Variants in TBC1D20 observed in about 807,000 individuals in gnomAD.
The protein encoded by TBC1D20 is chromosome 20 open reading frame 140.
Under a neutral mutation model 41.6 loss-of-function variants are expected in TBC1D20, and 12 were observed. That is an observed-to-expected ratio of 0.29 (90% confidence interval 0.18 to 0.47). The LOEUF (loss-of-function observed/expected upper bound fraction) is 0.47, where lower values mean the gene tolerates loss of function less well. Among genes scored for constraint, TBC1D20 ranks in the 20% least tolerant of loss-of-function variants. The pLI, the probability that TBC1D20 is intolerant of heterozygous loss-of-function variation, is 1.00. For synonymous variants in TBC1D20, 205 were observed against 204.8 expected, an observed-to-expected ratio of 1.00 and a Z score of -0.01; for missense variants, 421 against 517.4, an observed-to-expected ratio of 0.81 and a Z score of 1.81.
chr20:457,493 A>T (rs1169975110), intron 1 of TBC1D20, among the ~76,000 whole-genome samples: 1 of 152,210 alleles, frequency 6.6e-6, no homozygotes, highest in Non-Finnish European at 1.5e-5. Flanking sequence ...AAGTGCTAGG[A>T]TCGCAGATGT....
At position 440,281 on chromosome 20, in the gene TBC1D20, G is replaced by A; in HGVS notation, c.735C>T (p.Cys245=). ...CAAAGTAAATCGGCATCAGTGGGTG[G>A]CAGGCCAGGAAGAAGTCATATAACC... The part of the protein sequence containing the change: ...VVRLYDFFLA[C]HPLMPIYFAA... Residue 245 remains cysteine, a synonymous_variant, in exon 6 of 8, where the codon TGC becomes TGT. Transcript: ENST00000354200. The A allele has an allele frequency of 6.2e-7, 1 of 1,613,866 alleles. No individual in the cohort carries two copies. The highest frequency in any genetic ancestry group is 8.5e-7 in the Non-Finnish European group (1 of 1,179,894).
At chr20:457,457 A>G (rs994636317) in intron 1 of TBC1D20, among the ~76,000 whole-genome samples, 4 of 151,906 alleles carry the variant, frequency 2.6e-5, no homozygotes, top group Non-Finnish European at 5.9e-5. Flanking sequence ...CCTGGGCTCA[A>G]GCAATCCTCT....
At chr20:460,855 G>C (rs1339735067) in intron 1 of TBC1D20, among the ~76,000 whole-genome samples, 1 of 152,152 alleles carries the variant, frequency 6.6e-6, no homozygotes, top group African/African-American at 2.4e-5. Context: ...AAACTAGAGG[G>C]GGTAAAGTCT....
intron 1 of TBC1D20, among the ~76,000 whole-genome samples, chr20:459,148 C>T (rs1381848772): frequency 1.3e-5 from 2 of 152,110 alleles, no homozygotes; most frequent in African/African-American, 4.8e-5. Flanking sequence ...AGCAGCGTCT[C>T]CACTGAAAGA....
At chr20:458,060 A>C (rs557840254) in intron 1 of TBC1D20, among the ~76,000 whole-genome samples, 1 of 152,290 alleles carries the variant, frequency 6.6e-6, no homozygotes, top group African/African-American at 2.4e-5. Flanking sequence ...AAGTCTTGTT[A>C]ACCTATTTGC....
intron 1 of TBC1D20, among the ~76,000 whole-genome samples, chr20:450,431 C>T (rs1421546212): frequency 6.6e-6 from 1 of 152,020 alleles, no homozygotes; most frequent in African/African-American, 2.4e-5. Flanking sequence ...CAAGCGTGAG[C>T]CACCACGCCT....
At chr20:444,981 A>G in intron 3 of TBC1D20, 69 bp downstream of exon 3, 5 of 1,402,742 alleles carry the variant, frequency 3.6e-6, no homozygotes, top group Non-Finnish European at 5.0e-6. Context: ...CCAGCATATT[A>G]GGTCACATGG....
chr20:440,518 T>A, intron 5 of TBC1D20, 129 bp from the exon 6 acceptor site: 1 of 1,129,154 alleles, frequency 8.9e-7, no homozygotes, highest in Non-Finnish European at 1.2e-6. Flanking sequence ...ACCTAGGAAT[T>A]CAGCATCTTC....
At chr20:444,361 G>A (rs1442364337) in intron 3 of TBC1D20, among the ~76,000 whole-genome samples, 1 of 152,188 alleles carries the variant, frequency 6.6e-6, no homozygotes, top group Non-Finnish European at 1.5e-5. Context: ...GAGGCAGCCA[G>A]CTTAGAGGCT....
At chr20:452,730 G>A (rs964791855) in intron 1 of TBC1D20, among the ~76,000 whole-genome samples, 1 of 152,208 alleles carries the variant, frequency 6.6e-6, no homozygotes, top group African/African-American at 2.4e-5. Context: ...TCACCAGAAG[G>A]TAGGGCAGAT....
At chr20:446,767 A>G (rs1355787225) in intron 2 of TBC1D20, among the ~76,000 whole-genome samples, 2 of 151,362 alleles carry the variant, frequency 1.3e-5, no homozygotes, top group African/African-American at 4.9e-5. Flanking sequence ...CAAGCAGCTA[A>G]GACTACAGCC....
At chr20:440,054 C>G (rs1309984771) in intron 6 of TBC1D20, among the ~76,000 whole-genome samples, 194 bp downstream of exon 6, 2 of 152,172 alleles carry the variant, frequency 1.3e-5, no homozygotes, top group Non-Finnish European at 2.9e-5. Context: ...TGTTTATACC[C>G]AGCATTTCCC....
Position 439,086 on chromosome 20 carries a change from C to G in TBC1D20, c.956+22G>C. The G allele has an allele frequency of 6.3e-7, 1 of 1,594,380 alleles. No individual in the cohort carries two copies. The highest frequency in any genetic ancestry group is 8.5e-7 in the Non-Finnish European group (1 of 1,169,960). On this transcript the variant is annotated intron_variant, in intron 7 of 7. Transcript: ENST00000354200. This position sits in a 1 kb window ranked among gnomAD's most constrained non-coding sequence, Gnocchi z 4.6. ...CTCATTTACAGCCACCCCCATTCAACCAGTGTCCCAGCCTTGCTCACCTCT... is the reference window on the plus strand; with the variant it reads ...CTCATTTACAGCCACCCCCATTCAAGCAGTGTCCCAGCCTTGCTCACCTCT...
At chr20:446,529 T>C (rs6515823) in intron 2 of TBC1D20, among the ~76,000 whole-genome samples, 72,560 of 151,830 alleles carry the variant, frequency 0.48, 17,672 homozygotes, top group African/African-American at 0.56. Context: ...TTAGTAGAGA[T>C]GGGGTTTCAC....
At position 460,612 on chromosome 20, in the gene TBC1D20, AG is replaced by A. The variant is rs777415591; in HGVS notation, c.70+1723del. 3.3e-5 allele frequency among the ~76,000 whole-genome samples: 5 copies of A among 152,302 alleles called. No individual in the cohort carries two copies. In the East Asian group the frequency reaches 7.7e-4, roughly 23 times the overall value. Reference sequence around the variant, plus strand: ...TACAAAACAGTATCCAAATTAGCAAAGATTCTGTTAACTACCTGGAAAAAGC... The same window carrying A: ...TACAAAACAGTATCCAAATTAGCAAAATTCTGTTAACTACCTGGAAAAAGC... On this transcript the variant is annotated intron_variant, in intron 1 of 7. Transcript: ENST00000354200.
rs1313108849 is a variant in TBC1D20 at position 437,921 on chromosome 20, A to G, written c.*665T>C. The G allele has an allele frequency of 1.3e-5, 2 of 153,512 alleles. No homozygotes were observed. The highest frequency in any genetic ancestry group is 2.9e-5 in the Non-Finnish European group (2 of 68,056). The allele number at this position is 153,512 out of a possible 1,614,324, so 9.5% of individuals were successfully genotyped here. On this transcript the variant is annotated 3_prime_UTR_variant, in exon 8 of 8. Transcript: ENST00000354200. ...AAGCAGGGAGGAAAAAAAGGCAGGC[A>G]AAACTAGTCTAGGTCTAGGCCCTAA...
chr20:461,635 T>A (rs1248091367), intron 1 of TBC1D20, among the ~76,000 whole-genome samples: 32 of 152,220 alleles, frequency 2.1e-4, no homozygotes, highest in Admixed American at 1.8e-3. Flanking sequence ...GCGCTGGGAT[T>A]ACAGGCGCGA....
In TBC1D20 at chr20:438,823, GA is replaced by G. The variant is rs746174450; in HGVS notation, c.974del (p.Phe325SerfsTer35). On this transcript the variant is annotated frameshift_variant, in exon 8 of 8. Transcript: ENST00000354200. LOFTEE classifies it high-confidence loss of function. ...GGGCTGATGCCAGCTCAAAGTCTTT[GA>G]AAGTAGAGGCTGCCGTCCTGCAGGG... is the stretch of plus-strand genomic sequence containing the variant. ...QQAERTAASTFKDFELASAQQ... is the reference protein window; with the variant it reads ...QQAERTAASTXKDFELASAQQ... The G allele has an allele frequency of 4.3e-6, 7 of 1,613,524 alleles. No homozygotes were observed. The highest frequency in any genetic ancestry group is 5.9e-6 in the Non-Finnish European group (7 of 1,179,578).
chr20:446,607 CTA>C (rs934687596), intron 2 of TBC1D20, among the ~76,000 whole-genome samples: 1 of 152,034 alleles, frequency 6.6e-6, no homozygotes, highest in Non-Finnish European at 1.5e-5. Flanking sequence ...TCCCAAAATG[CTA>C]GGATTACAGG....
Sources: allele counts gnomAD v4.1 joint callset (sites outside exome capture counted in the v4.1 genomes callset), GRCh38; gene constraint gnomAD v4.1.1; non-coding constraint Gnocchi (gnomAD v3.1); transcripts MANE v1.5; gene names NCBI Gene and HGNC (gene_info 2026-07-23, HGNC 2026-07-21).